The following HERC3 variants were observed in gnomAD, a reference collection of about 807,000 sequenced individuals.
HERC3 encodes HECT and RLD domain containing E3 ubiquitin protein ligase 3, also known as probable E3 ubiquitin-protein ligase HERC3.
HERC3 carries 58 observed loss-of-function variants against 129.9 expected under a neutral mutation model. The observed-to-expected ratio is 0.45, with a 90% CI of 0.36 to 0.56. The LOEUF (loss-of-function observed/expected upper bound fraction) is 0.56. Ranked by LOEUF, HERC3 falls within the 20% of genes least tolerant of loss-of-function variation. The probability of loss-of-function intolerance (pLI) is 0.00; values close to 1 mark genes in which losing one functional copy is unlikely to be tolerated. For synonymous variants in HERC3, 430 were observed against 451.0 expected, an observed-to-expected ratio of 0.95 and a Z score of 0.59; for missense variants, 835 against 1,244.2, an observed-to-expected ratio of 0.67 and a Z score of 4.95.
At chr4:88,591,395 TTTC>T (rs1170644628), upstream of HERC3, among the ~76,000 whole-genome samples, 6 of 152,312 alleles carry the variant, frequency 3.9e-5, no homozygotes, top group East Asian at 1.2e-3. Context: ...TCCTTGAAAC[TTTC>T]TTTTCTACTT....
chr4:88,670,326 T>C (rs1731480434), intron 16 of HERC3, 74 bp downstream of exon 16: 1 of 987,966 alleles, frequency 1.0e-6, no homozygotes, highest in East Asian at 2.4e-5. Flanking sequence ...GTATAATATG[T>C]CTTTGACTTT....
At chr4:88,655,838 A>G (rs1339779079) in intron 8 of HERC3, 37 bp from the exon 9 acceptor site, 2 of 1,585,246 alleles carry the variant, frequency 1.3e-6, no homozygotes, top group Non-Finnish European at 8.6e-7. Context: ...CCACATTAGT[A>G]GAAACTATGC....
chr4:88,594,514 C>T (rs1560651226), intron 1 of HERC3, among the ~76,000 whole-genome samples: 1 of 152,216 alleles, frequency 6.6e-6, no homozygotes, highest in African/African-American at 2.4e-5. Flanking sequence ...AGCGAATCTG[C>T]CACCTTACCC....
rs377674381 is a variant in HERC3 at position 88,680,236 on chromosome 4, G to A, written c.2340G>A (p.Thr780=). ...CAAATCTCTTGTGGTTTTCAGACACGGTAAGTAAGTGGTGTCACAATTAAA... is the reference window on the plus strand; with the variant it reads ...CAAATCTCTTGTGGTTTTCAGACACAGTAAGTAAGTGGTGTCACAATTAAA... ...QDSNLLWFSD[T]CFVEHNWFHL... is the part of the protein sequence containing the mutation. Residue 780 remains threonine (T), a splice_region_variant and synonymous_variant, in exon 20 of 26, where the codon ACG becomes ACA. Transcript: ENST00000402738. The A allele has an allele frequency of 1.5e-4, 245 of 1,594,166 alleles. No homozygotes were observed. The highest frequency in any genetic ancestry group is 2.0e-4 in the Non-Finnish European group (237 of 1,171,462).
intron 3 of HERC3, among the ~76,000 whole-genome samples, chr4:88,629,299 C>T (rs1726478691): frequency 6.9e-6 from 1 of 145,950 alleles, no homozygotes; most frequent in Non-Finnish European, 1.5e-5. Context: ...ACAAAAACAA[C>T]ATTGGTATTT....
At chr4:88,694,759 G>GT (rs1040134153) in intron 23 of HERC3, among the ~76,000 whole-genome samples, 2 of 152,026 alleles carry the variant, frequency 1.3e-5, no homozygotes, top group East Asian at 3.8e-4. Flanking sequence ...TGTTATGTTT[G>GT]TTTTTTATTT....
Position 88,707,073 on chromosome 4 carries a change from C to CT in HERC3, c.*117dup, listed in dbSNP as rs1735848267. On this transcript the variant is annotated 3_prime_UTR_variant, in exon 26 of 26. Coordinates refer to ENST00000402738, the MANE Select transcript of HERC3 (RefSeq NM_014606.3). The stretch of plus-strand genomic sequence containing the variant: ...TTTTTATTGTCTAAGTGGGTTGGGA[C>CT]TTTTAAATACTGAGCCTGGTTGATG... 1.3e-6 allele frequency: 1 copy of CT among 784,128 alleles called. No homozygotes were observed. Among genetic ancestry groups the CT allele is most frequent in the Admixed American group, 2.5e-5 (1 of 39,892 alleles). The allele number at this position is 784,128 out of a possible 1,614,324, so 48.6% of individuals were successfully genotyped here.
At chr4:88,550,369 G>A in the HERC3 span, among the ~76,000 whole-genome samples, 2 of 152,196 alleles carry the variant, frequency 1.3e-5, no homozygotes, top group Non-Finnish European at 2.9e-5. Flanking sequence ...CGACATGACT[G>A]TATATCTAGA....
intron 3 of HERC3, among the ~76,000 whole-genome samples, chr4:88,616,611 G>T (rs1162013449): frequency 1.3e-5 from 2 of 152,208 alleles, no homozygotes; most frequent in East Asian, 3.8e-4. Flanking sequence ...TTTCCTTTCT[G>T]CATCCTTCAG....
chr4:88,628,678 T>C (rs1254415618), intron 3 of HERC3, among the ~76,000 whole-genome samples: 1 of 152,220 alleles, frequency 6.6e-6, no homozygotes, highest in East Asian at 1.9e-4. Flanking sequence ...TAACTATCTT[T>C]AGCAAGCCCC....
the HERC3 span, among the ~76,000 whole-genome samples, chr4:88,571,033 C>T: frequency 3.3e-5 from 5 of 152,130 alleles, no homozygotes; most frequent in African/African-American, 1.2e-4. Context: ...GCTGGGATTA[C>T]AGGTGTGAGC....
intron 14 of HERC3, chr4:88,668,539 C>A (rs17014393): frequency 0.047 from 7,541 of 161,712 alleles, 239 homozygotes; most frequent in Middle Eastern, 0.15. Context: ...TTTTTAGGAC[C>A]GTTGAGTCCA....
In HERC3 at chr4:88,655,045, G is replaced by C. The variant is rs1729732889; in HGVS notation, c.778-129G>C. 14 of 752,062 alleles carry C rather than the reference G, an allele frequency of 1.9e-5. No homozygotes were observed. The Admixed American group carries it at 3.7e-4, about 20-fold the overall frequency. The allele number at this position is 752,062 out of a possible 1,614,324, so 46.6% of individuals were successfully genotyped here. A position where few individuals can be genotyped will look rare whatever the true frequency, so the allele number is the denominator to read the frequency against. ...TATTTAATGAACATCCTTACAAAGTGATTTTGGCCAAGTGTCAAGTGAATG... is the reference window on the plus strand; with the variant it reads ...TATTTAATGAACATCCTTACAAAGTCATTTTGGCCAAGTGTCAAGTGAATG... On this transcript the variant is annotated intron_variant, in intron 7 of 25. Coordinates refer to ENST00000402738, the MANE Select transcript of HERC3 (RefSeq NM_014606.3).
At chr4:88,652,619 A>G (rs1729413614) in intron 5 of HERC3, among the ~76,000 whole-genome samples, 1 of 152,190 alleles carries the variant, frequency 6.6e-6, no homozygotes, top group South Asian at 2.1e-4. Context: ...GAATTTACTT[A>G]TACATTTAAT....
the HERC3 span, among the ~76,000 whole-genome samples, chr4:88,548,653 G>A: frequency 2.6e-5 from 4 of 151,112 alleles, no homozygotes; most frequent in Non-Finnish European, 4.4e-5. Flanking sequence ...TCATTCTGTG[G>A]GTCATCTTTT....
At chr4:88,564,673 A>G in the HERC3 span, among the ~76,000 whole-genome samples, 1 of 151,966 alleles carries the variant, frequency 6.6e-6, no homozygotes, top group Non-Finnish European at 1.5e-5. Context: ...TTATCTTTTC[A>G]AAAAACCAAA....
At chr4:88,686,385 C>T (rs1394134927) in intron 21 of HERC3, among the ~76,000 whole-genome samples, 1 of 152,054 alleles carries the variant, frequency 6.6e-6, no homozygotes, top group Non-Finnish European at 1.5e-5. Context: ...GCTGGAGGGC[C>T]CCTGCAATAC....
intron 3 of HERC3, among the ~76,000 whole-genome samples, chr4:88,612,977 C>T (rs995388654): frequency 3.3e-5 from 5 of 152,140 alleles, no homozygotes; most frequent in African/African-American, 1.2e-4. Flanking sequence ...CATATTCCTA[C>T]CTAGCCACAT....
At chr4:88,589,775 A>G (rs754548113), upstream of HERC3, among the ~76,000 whole-genome samples, 12 of 152,182 alleles carry the variant, frequency 7.9e-5, no homozygotes, top group Non-Finnish European at 1.8e-4. Flanking sequence ...TGTTGTCCCA[A>G]TGAAAAAAAA....
Sources: allele counts gnomAD v4.1 joint callset (sites outside exome capture counted in the v4.1 genomes callset), GRCh38; gene constraint gnomAD v4.1.1; transcripts MANE v1.5; gene names NCBI Gene and HGNC (gene_info 2026-07-23, HGNC 2026-07-21).